ANK1: variants seen among roughly 807,000 people sequenced by gnomAD.
The protein encoded by ANK1 is ankyrin 1, also known as ankyrin-1.
ANK1 carries 51 observed loss-of-function variants against 210.4 expected under a neutral mutation model. The ratio of observed to expected loss-of-function variants is 0.24; its 90% CI spans 0.19 to 0.31. The LOEUF (loss-of-function observed/expected upper bound fraction) is 0.31. Ranked by LOEUF, ANK1 falls within the 10% of genes least tolerant of loss-of-function variation. The pLI is 1.00. For missense variants in ANK1, 2,051 were observed against 2,504.4 expected, an observed-to-expected ratio of 0.82 and a Z score of 3.86; for synonymous variants, 967 against 1,025.9, an observed-to-expected ratio of 0.94 and a Z score of 1.10.
At chr8:41,734,317 T>C (rs1275619670) in intron 2 of ANK1, among the ~76,000 whole-genome samples, 1 of 152,186 alleles carries the variant, frequency 6.6e-6, no homozygotes, top group Non-Finnish European at 1.5e-5. Flanking sequence ...CAGATGTGAA[T>C]TAGGCAGTAA....
intron 16 of ANK1, among the ~76,000 whole-genome samples, chr8:41,713,325 CCGCGGTGCCTATCCCTACACAGCCT>C (rs2150630185): frequency 6.6e-6 from 1 of 152,316 alleles, no homozygotes; most frequent in East Asian, 1.9e-4. Flanking sequence ...GCCACCAGTC[CCGCGGTGCCTATCCCTACACAGCCT>C]CGCCTTCCCA....
upstream of ANK1, among the ~76,000 whole-genome samples, chr8:41,799,576 G>A (rs1357886892): frequency 6.6e-6 from 1 of 152,204 alleles, no homozygotes; most frequent in Non-Finnish European, 1.5e-5. Context: ...GAAACATCCT[G>A]TAGGTAGAGA....
At chr8:41,860,203 T>C (rs1813013296) in intron 1 of ANK1, among the ~76,000 whole-genome samples, 1 of 152,306 alleles carries the variant, frequency 6.6e-6, no homozygotes, top group East Asian at 1.9e-4. Context: ...CCAGAGGAGC[T>C]AGGTCATTAA....
chr8:41,854,783 A>C (rs1218420106), intron 1 of ANK1, among the ~76,000 whole-genome samples: 2 of 152,080 alleles, frequency 1.3e-5, no homozygotes, highest in Non-Finnish European at 2.9e-5. Context: ...TCTACAAGAA[A>C]AAAATTGTTT....
At chr8:41,729,297 C>T (rs1831510234) in intron 3 of ANK1, among the ~76,000 whole-genome samples, 1 of 152,176 alleles carries the variant, frequency 6.6e-6, no homozygotes, top group Non-Finnish European at 1.5e-5. Flanking sequence ...GGAGGAAAAC[C>T]AGGCACGTAA....
intron 1 of ANK1, among the ~76,000 whole-genome samples, chr8:41,811,603 C>A (rs1802512711): frequency 6.6e-6 from 1 of 152,240 alleles, no homozygotes; most frequent in South Asian, 2.1e-4. Context: ...AGACTGCCCT[C>A]TCCAGGCCAC....
intron 1 of ANK1, among the ~76,000 whole-genome samples, chr8:41,861,119 G>A (rs1009113577): frequency 5.9e-5 from 9 of 152,296 alleles, no homozygotes; most frequent in East Asian, 1.9e-4. Flanking sequence ...TGGGCGATGC[G>A]TGCTTGGAAA....
At chr8:41,662,042 AG>A (rs1808491783) in intron 40 of ANK1, 101 bp from the exon 41 acceptor site, 9 of 1,456,556 alleles carry the variant, frequency 6.2e-6, no homozygotes, top group Middle Eastern at 1.7e-4. Flanking sequence ...AGATCATCTG[AG>A]GTCAGGAGTT....
At chr8:41,819,576 C>T (rs950345618) in intron 1 of ANK1, among the ~76,000 whole-genome samples, 2 of 152,188 alleles carry the variant, frequency 1.3e-5, no homozygotes, top group African/African-American at 4.8e-5. Flanking sequence ...CAGGCAGGAC[C>T]TACTGGGATT....
chr8:41,885,975 T>C (rs970139657), intron 1 of ANK1, among the ~76,000 whole-genome samples: 2 of 152,238 alleles, frequency 1.3e-5, no homozygotes. Context: ...TTTGACCTGA[T>C]GGCCATCTCC....
intron 16 of ANK1, among the ~76,000 whole-genome samples, chr8:41,713,594 G>C (rs1372639000): frequency 6.6e-6 from 1 of 152,218 alleles, no homozygotes; most frequent in African/African-American, 2.4e-5. Context: ...TCTGATCTCA[G>C]AGACAAATGA....
At chr8:41,692,516 T>A in intron 31 of ANK1, 132 bp downstream of exon 31, 1 of 869,748 alleles carries the variant, frequency 1.1e-6, no homozygotes, top group Non-Finnish European at 1.9e-6. Context: ...TCAAGAGGGG[T>A]CTCAAAGACA....
intron 35 of ANK1, among the ~76,000 whole-genome samples, chr8:41,686,961 C>A (rs1817849072): frequency 6.6e-6 from 1 of 152,104 alleles, no homozygotes; most frequent in East Asian, 1.9e-4. Flanking sequence ...GCACATACAA[C>A]ACAAACGTGC....
intron 1 of ANK1, among the ~76,000 whole-genome samples, chr8:41,818,813 A>C (rs192238412): frequency 2.0e-5 from 3 of 152,156 alleles, no homozygotes; most frequent in African/African-American, 7.2e-5. Context: ...TCCTTGGTTG[A>C]ATTCTTTCAA....
chr8:41,670,324 C>T (rs775991002), intron 38 of ANK1, among the ~76,000 whole-genome samples: 12 of 151,874 alleles, frequency 7.9e-5, no homozygotes, highest in Non-Finnish European at 1.8e-4. Context: ...TTCATCTGTC[C>T]CCATGAGAAG....
chr8:41,694,832 C>T lies in ANK1; in HGVS notation c.3116-29G>A, dbSNP rs761545249. 1.4e-5 allele frequency: 23 copies of T among 1,609,326 alleles called. No individual in the cohort carries two copies. The highest frequency in any genetic ancestry group is 6.7e-5 in the Admixed American group (4 of 59,840). On this transcript the variant is annotated intron_variant, in intron 27 of 42. Coordinates refer to ENST00000289734, the MANE Select transcript of ANK1 (RefSeq NM_000037.4). This position sits in a 1 kb window ranked among gnomAD's most constrained non-coding sequence, Gnocchi z 5.7. ...GAATCACACACACAGGCCACCACCC[C>T]GGTCACATCAGGCACAGGTTCAGGA...
At chr8:41,845,787 T>A (rs1306918017) in intron 1 of ANK1, among the ~76,000 whole-genome samples, 1 of 152,200 alleles carries the variant, frequency 6.6e-6, no homozygotes. Context: ...CCATCTGTTT[T>A]TCTCCTTCCC....
chr8:41,736,624 C>T (rs1833497371), intron 2 of ANK1, among the ~76,000 whole-genome samples: 1 of 152,222 alleles, frequency 6.6e-6, no homozygotes, highest in Admixed American at 6.5e-5. Flanking sequence ...GGTTTTAGTG[C>T]TTACTTGGGC....
chr8:41,852,284 G>A (rs1400490434), intron 1 of ANK1, among the ~76,000 whole-genome samples: 2 of 152,348 alleles, frequency 1.3e-5, no homozygotes, highest in East Asian at 1.9e-4. Flanking sequence ...GGGTCATAAA[G>A]GGCCTGGCCC....
Sources: gnomAD v4.1 joint callset for allele counts (sites outside exome capture counted in the v4.1 genomes callset) on GRCh38, gnomAD v4.1.1 for gene constraint, Gnocchi (gnomAD v3.1) non-coding constraint, MANE v1.5 for transcripts, NCBI Gene and HGNC (gene_info 2026-07-23, HGNC 2026-07-21) for gene names.